Variants in TTC28 observed in about 807,000 individuals in gnomAD.
TTC28 encodes tetratricopeptide repeat domain 28.
TTC28 carries 61 observed loss-of-function variants against 198.0 expected under a neutral mutation model. The ratio of observed to expected loss-of-function variants is 0.31; its 90% CI spans 0.25 to 0.38. The LOEUF is 0.38. TTC28 is among the 10% of genes least tolerant of loss of function. The pLI, the probability that TTC28 is intolerant of heterozygous loss-of-function variation, is 1.00. For missense variants in TTC28, 2,678 were observed against 3,164.0 expected, an observed-to-expected ratio of 0.85 and a Z score of 3.69; for synonymous variants, 1,171 against 1,297.8, an observed-to-expected ratio of 0.90 and a Z score of 2.10.
chr22:28,032,266 TAG>T (rs1939160096), intron 12 of TTC28, among the ~76,000 whole-genome samples: 31 of 69,026 alleles, frequency 4.5e-4, no homozygotes, highest in African/African-American at 2.1e-3. Flanking sequence ...TATATATATA[TAG>T]TGTGTGTGTG....
At chr22:28,483,871 A>G (rs1415310886) in intron 2 of TTC28, among the ~76,000 whole-genome samples, 1 of 152,210 alleles carries the variant, frequency 6.6e-6, no homozygotes, top group East Asian at 1.9e-4. Context: ...ACCTTGGGCA[A>G]GTCAGTTACT....
chr22:28,116,463 G>A (rs1423658017), intron 6 of TTC28, among the ~76,000 whole-genome samples: 1 of 152,226 alleles, frequency 6.6e-6, no homozygotes, highest in Non-Finnish European at 1.5e-5. Flanking sequence ...TAAAGGCTAT[G>A]GCCGGGCCAC....
In TTC28 at chr22:28,191,823, C is replaced by A. The variant is rs374773462; in HGVS notation, c.934-28224G>T. ...GAACTGGGTGGAGCCCACTGCAGCT[C>A]AAGGAGGCCTGCCTGCCTCTGTAGA... On this transcript the variant is annotated intron_variant, in intron 5 of 22. Coordinates refer to ENST00000397906, the MANE Select transcript of TTC28 (RefSeq NM_001145418.2). Among the ~76,000 whole-genome samples the A allele has an allele frequency of 2.0e-5, 3 of 152,322 alleles. No individual in the cohort carries two copies. In the South Asian group the frequency reaches 6.2e-4, roughly 32 times the overall value.
intron 2 of TTC28, among the ~76,000 whole-genome samples, chr22:28,596,622 T>G (rs1262059183): frequency 6.6e-6 from 1 of 152,228 alleles, no homozygotes; most frequent in Admixed American, 6.5e-5. Context: ...AAAGCAGCAG[T>G]GTCTACTAAC....
chr22:28,370,980 A>G (rs981112100), intron 2 of TTC28, among the ~76,000 whole-genome samples: 1 of 152,194 alleles, frequency 6.6e-6, no homozygotes, highest in Non-Finnish European at 1.5e-5. Context: ...CTGACACTAC[A>G]GTTAACTCAA....
At chr22:28,387,492 C>T (rs974262212) in intron 2 of TTC28, among the ~76,000 whole-genome samples, 11 of 152,190 alleles carry the variant, frequency 7.2e-5, no homozygotes, top group African/African-American at 2.7e-4. Flanking sequence ...TCTCCACATC[C>T]TCTCCAGCAC....
At chr22:28,252,684 C>A (rs992162563) in intron 5 of TTC28, among the ~76,000 whole-genome samples, 1 of 152,142 alleles carries the variant, frequency 6.6e-6, no homozygotes, top group Non-Finnish European at 1.5e-5. Flanking sequence ...CCACAAAAGA[C>A]CTGGCACCAT....
At chr22:28,426,850 C>T (rs929358007) in intron 2 of TTC28, among the ~76,000 whole-genome samples, 3 of 152,134 alleles carry the variant, frequency 2.0e-5, no homozygotes, top group Non-Finnish European at 4.4e-5. Flanking sequence ...CATTCAATAC[C>T]TAGAGATATT....
intron 2 of TTC28, among the ~76,000 whole-genome samples, chr22:28,342,115 G>A (rs1047559532): frequency 6.6e-6 from 1 of 152,150 alleles, no homozygotes; most frequent in Non-Finnish European, 1.5e-5. Flanking sequence ...AGCTAAAATT[G>A]TTTTTTGTGT....
chr22:28,356,770 G>C lies in TTC28; in HGVS notation c.382-50127C>G, dbSNP rs183522985. ...GCTGAGAACCTGTTGCAAGTAAGTA[G>C]GGACTGACAAAAAGCTGGCTCGTAG... is the stretch of plus-strand genomic sequence containing the variant. On this transcript the variant is annotated intron_variant, in intron 2 of 22. Coordinates refer to ENST00000397906, the MANE Select transcript of TTC28 (RefSeq NM_001145418.2). Among the ~76,000 whole-genome samples, 541 of 152,296 alleles carry C rather than the reference G, an allele frequency of 3.6e-3. 1 individual carries two copies. Among genetic ancestry groups the C allele is most frequent in the South Asian group, 0.016 (77 of 4,826 alleles).
chr22:28,107,674 A>C lies in TTC28; in HGVS notation c.2171T>G (p.Phe724Cys). ...FRALGNLGDI[F>C]ICKKDINGAI... ...ACCATTTATATCTTTTTTACAGATG[A>C]ATATATCGCCCAGGTTTCCTAGGGC... Residue 724 changes from phenylalanine (F) to cysteine (C), a missense_variant, in exon 7 of 23, where the codon TTC becomes TGC. By Grantham distance (205) the Phe-to-Cys change is radical. This residue lies in a region of TTC28 where 775 missense variants were observed against 845.9 expected (regional missense o/e 0.92). Coordinates refer to ENST00000397906, the MANE Select transcript of TTC28 (RefSeq NM_001145418.2). 1.9e-6 allele frequency: 3 copies of C among 1,551,726 alleles called. No individual in the cohort carries two copies. Among genetic ancestry groups the C allele is most frequent in the Non-Finnish European group, 2.6e-6 (3 of 1,147,000 alleles).
intron 6 of TTC28, among the ~76,000 whole-genome samples, chr22:28,121,766 A>G (rs1359141317): frequency 6.6e-6 from 1 of 152,198 alleles, no homozygotes; most frequent in Admixed American, 6.5e-5. Context: ...TTACCTTCCC[A>G]GCCTTTCTTA....
intron 2 of TTC28, among the ~76,000 whole-genome samples, chr22:28,615,119 C>A (rs1267720862): frequency 2.6e-5 from 4 of 152,090 alleles, no homozygotes; most frequent in Non-Finnish European, 5.9e-5. Flanking sequence ...AACAAAAAAC[C>A]CCATCAAAAA....
intron 5 of TTC28, among the ~76,000 whole-genome samples, chr22:28,172,079 C>T (rs1051547734): frequency 6.6e-6 from 1 of 152,122 alleles, no homozygotes; most frequent in African/African-American, 2.4e-5. Flanking sequence ...TTCTTCTCCA[C>T]CACCTGGCTA....
At chr22:28,151,674 G>C (rs1943612470) in intron 6 of TTC28, among the ~76,000 whole-genome samples, 1 of 152,156 alleles carries the variant, frequency 6.6e-6, no homozygotes, top group African/African-American at 2.4e-5. Context: ...TTTCTGCAAG[G>C]CCTCTGGTGC....
chr22:28,353,531 A>G (rs943415426), intron 2 of TTC28, among the ~76,000 whole-genome samples: 3 of 152,230 alleles, frequency 2.0e-5, no homozygotes, highest in African/African-American at 7.2e-5. Flanking sequence ...GAGCCCAGAA[A>G]TAAAGCCACA....
chr22:28,400,311 C>T (rs558960685), intron 2 of TTC28, among the ~76,000 whole-genome samples: 78 of 152,336 alleles, frequency 5.1e-4, no homozygotes, highest in Middle Eastern at 3.4e-3. Flanking sequence ...CCAGTGTGTA[C>T]GGCTCCAGTC....
In TTC28 at chr22:27,983,774, A is replaced by G. The variant is rs1307261709; in HGVS notation, c.5893T>C (p.Ser1965Pro). 1.9e-6 allele frequency: 3 copies of G among 1,551,724 alleles called. No homozygotes were observed. The highest frequency in any genetic ancestry group is 2.6e-6 in the Non-Finnish European group (3 of 1,147,002). Residue 1965 changes from serine (S) to proline (P), a missense_variant, in exon 23 of 23, where the codon TCC (serine) becomes CCC (proline). Physicochemically the swap from Ser to Pro is moderately conservative, Grantham distance 74. This residue lies in a region of TTC28 where 314 missense variants were observed against 442.7 expected (regional missense o/e 0.71). Coordinates refer to ENST00000397906, the MANE Select transcript of TTC28 (RefSeq NM_001145418.2). ...LESLASAQSV[S>P]NALPLGYQQP... The stretch of plus-strand genomic sequence containing the variant: ...TGGTAACCCAAGGGCAGGGCGTTGG[A>G]AACAGACTGAGCAGAAGCAAGAGAC...
intron 12 of TTC28, among the ~76,000 whole-genome samples, chr22:28,087,588 T>C (rs574914934): frequency 7.3e-4 from 111 of 152,268 alleles, no homozygotes; most frequent in African/African-American, 2.4e-3. Flanking sequence ...AGCATTCCCT[T>C]TGAAAACTGG....
Sources: allele counts gnomAD v4.1 joint callset (sites outside exome capture counted in the v4.1 genomes callset), GRCh38; gene constraint gnomAD v4.1.1; regional missense constraint gnomAD v4.1.1; transcripts MANE v1.5; gene names NCBI Gene and HGNC (gene_info 2026-07-23, HGNC 2026-07-21).